CYP4A11: variants seen among roughly 807,000 people sequenced by gnomAD.
The protein encoded by CYP4A11 is cytochrome P450 family 4 subfamily A member 11.
Under a neutral mutation model 57.7 loss-of-function variants are expected in CYP4A11, and 52 were observed. The observed-to-expected ratio is 0.90, with a 90% CI of 0.72 to 1.14. The LOEUF is 1.14. Among genes scored for constraint, CYP4A11 ranks in the 50% most tolerant of loss-of-function variants. CYP4A11 has a pLI of 0.00. For missense variants in CYP4A11, 641 were observed against 642.1 expected (o/e 1.00, Z 0.02); for synonymous variants, 228 against 247.1 (o/e 0.92, Z 0.72).
At chr1:46,938,698 G>A (rs1681571314) in intron 1 of CYP4A11, among the ~76,000 whole-genome samples, 1 of 152,216 alleles carries the variant, frequency 6.6e-6, no homozygotes, top group Non-Finnish European at 1.5e-5. Flanking sequence ...ATGGGATGGA[G>A]TCTGAGTATA....
intron 11 of CYP4A11, among the ~76,000 whole-genome samples, chr1:46,931,014 C>G (rs1315230692): frequency 6.6e-6 from 1 of 152,158 alleles, no homozygotes; most frequent in Non-Finnish European, 1.5e-5. Context: ...CCCCTCCCAG[C>G]ACACTGAAGC....
intron 1 of CYP4A11, among the ~76,000 whole-genome samples, 171 bp from the exon 2 acceptor site, chr1:46,938,308 T>C (rs1681545708): frequency 6.6e-6 from 1 of 152,234 alleles, no homozygotes; most frequent in Admixed American, 6.5e-5. Flanking sequence ...GACTTGACCT[T>C]AGGCCAAGCG....
intron 11 of CYP4A11, 131 bp from the exon 12 acceptor site, chr1:46,930,441 A>G (rs1281227295): frequency 2.9e-6 from 3 of 1,044,044 alleles, no homozygotes; most frequent in Non-Finnish European, 4.2e-6. Context: ...GCCCCTGCAC[A>G]CATACAGCCC....
chr1:46,937,225 C>T, intron 3 of CYP4A11, 77 bp downstream of exon 3: 2 of 1,524,018 alleles, frequency 1.3e-6, no homozygotes, highest in South Asian at 2.3e-5. Context: ...GGCCTCTAAT[C>T]TGTTGTTCTC....
chr1:46,936,986 T>C (rs1681446992), intron 3 of CYP4A11, among the ~76,000 whole-genome samples, 195 bp from the exon 4 acceptor site: 1 of 152,180 alleles, frequency 6.6e-6, no homozygotes, highest in Non-Finnish European at 1.5e-5. Context: ...GTGAATATTC[T>C]GATTGAGCTG....
At chr1:46,933,356 AACTC>A (rs1398383690) in intron 9 of CYP4A11, among the ~76,000 whole-genome samples, 2 of 152,208 alleles carry the variant, frequency 1.3e-5, no homozygotes, top group African/African-American at 4.8e-5. Context: ...AATATACATG[AACTC>A]ACTCAGTACA....
intron 1 of CYP4A11, chr1:46,940,736 C>T: frequency 2.0e-6 from 2 of 985,448 alleles, no homozygotes; most frequent in Non-Finnish European, 2.4e-6. Context: ...TCCACCCCAG[C>T]AGAGTGAGCT....
rs1274960664 is a variant in CYP4A11, at chr1:46,930,206, G to C, written c.1469C>G (p.Pro490Arg). 2.5e-6 allele frequency: 4 copies of C among 1,614,124 alleles called. No homozygotes were observed. In the South Asian group the frequency reaches 3.3e-5, roughly 13 times the overall value. ...GGATTTCAACACAAGTCGTGCAATG[G>C]GGATGGGGATCCTGGTGGGATCAGG... ...LLPDPTRIPI[P>R]IARLVLKSKN... Residue 490 changes from proline to arginine, a missense_variant, in exon 12 of 12, where the codon CCC (proline) becomes CGC (arginine). Transcript: ENST00000310638.
chr1:46,938,794 T>A (rs1179064579), intron 1 of CYP4A11, among the ~76,000 whole-genome samples: 1 of 152,272 alleles, frequency 6.6e-6, no homozygotes. Flanking sequence ...ATGAGCTCCC[T>A]GCTGCCTGCA....
rs144085677 is a variant in CYP4A11, at chr1:46,936,781, C to G, written c.393G>C (p.Leu131Phe). Reference sequence around the variant, plus strand: ...ACCATGTCTGCCCATTCAACAGGAGCAAGCCGTACCCTAAGAGAGACATGA... The same window carrying G: ...ACCATGTCTGCCCATTCAACAGGAGGAAGCCGTACCCTAAGAGAGACATGA... ...RFLAPWIGYG[L>F]LLLNGQTWFQ... The change falls in exon 4 of 12, where the codon TTG becomes TTC. Residue 131 changes from leucine to phenylalanine, a missense_variant. Coordinates refer to ENST00000310638, the MANE Select transcript of CYP4A11 (RefSeq NM_000778.4). 7.5e-4 allele frequency: 1,208 copies of G among 1,609,422 alleles called. No individual in the cohort carries two copies. The highest frequency in any genetic ancestry group is 9.8e-4 in the Non-Finnish European group (1,149 of 1,178,452).
Position 46,941,194 on chromosome 1 carries a change from C to G in CYP4A11, c.195+45G>C, listed in dbSNP as rs372477140. On this transcript the variant is annotated intron_variant, in intron 1 of 11. Transcript: ENST00000310638. Reference sequence around the variant, plus strand: ...ATTTTGTGACCAGGGTCTCAGAGCCCCATCCCTCTTTGCCCTCCCACTCCC... The same window carrying G: ...ATTTTGTGACCAGGGTCTCAGAGCCGCATCCCTCTTTGCCCTCCCACTCCC... 3.6e-4 allele frequency: 562 copies of G among 1,582,186 alleles called. 11 individuals are homozygous for G. In the East Asian group the frequency reaches 0.011, roughly 31 times the overall value.
At chr1:46,935,497 C>T (rs200852244) in intron 5 of CYP4A11, 26 bp downstream of exon 5, 7 of 1,593,614 alleles carry the variant, frequency 4.4e-6, no homozygotes, top group Middle Eastern at 1.7e-4. Flanking sequence ...GAACAAGGGC[C>T]CTGCAGCTGG....
In CYP4A11 at chr1:46,931,419, C is replaced by G. The variant is rs537037080; in HGVS notation, c.1365-1109G>C. 4.7e-5 allele frequency: 27 copies of G among 575,148 alleles called. No homozygotes were observed. In the South Asian group the frequency reaches 2.0e-3, roughly 43 times the overall value. The allele number at this position is 575,148 out of a possible 1,614,324, so 35.6% of individuals were successfully genotyped here. A position where few individuals can be genotyped will look rare whatever the true frequency, so the allele number is the denominator to read the frequency against. ...GATGGAACGATGTGTGTCTGGAGCA[C>G]AGGATATATTTCTGTACAACACATT... On this transcript the variant is annotated intron_variant, in intron 11 of 11. Coordinates refer to ENST00000310638, the MANE Select transcript of CYP4A11 (RefSeq NM_000778.4).
Position 46,936,895 on chromosome 1 carries a change from A to T in CYP4A11, c.383-104T>A, listed in dbSNP as rs55839822. 1.6e-4 allele frequency: 236 copies of T among 1,473,230 alleles called. No individual in the cohort carries two copies. The African/African-American group carries it at 3.0e-3, about 19-fold the overall frequency. 91.3% of individuals were successfully genotyped at this position (1,473,230 alleles called of 1,614,324 possible). ...ACTGGTGACAATTTGGGAGGGAGAA[A>T]GGTGGCTTCTCAAGGGGAGAACTAT... On this transcript the variant is annotated intron_variant, in intron 3 of 11. Transcript: ENST00000310638.
Position 46,941,224 on chromosome 1 carries a change from T to C in CYP4A11, c.195+15A>G. ...CCTCTTTGCCCTCCCACTCCCCCATTGAGTTCCTCCCTACCTCCTGGATGT... is the reference window on the plus strand; with the variant it reads ...CCTCTTTGCCCTCCCACTCCCCCATCGAGTTCCTCCCTACCTCCTGGATGT... On this transcript the variant is annotated intron_variant, in intron 1 of 11. Transcript: ENST00000310638. 1 of 1,607,656 alleles carries C rather than the reference T, an allele frequency of 6.2e-7. No individual in the cohort carries two copies. The highest frequency in any genetic ancestry group is 8.5e-7 in the Non-Finnish European group (1 of 1,176,020).
chr1:46,935,381 C>G (rs1207552974), intron 5 of CYP4A11, 142 bp downstream of exon 5: 2 of 1,502,816 alleles, frequency 1.3e-6, no homozygotes, highest in African/African-American at 2.8e-5. Flanking sequence ...TTTGTTTGGT[C>G]TGGACTGGAA....
At chr1:46,931,870 T>C in intron 11 of CYP4A11, 2 of 936,504 alleles carry the variant, frequency 2.1e-6, no homozygotes, top group Non-Finnish European at 2.5e-6. Context: ...GATGCCACAA[T>C]GATCTCCACC....
intron 4 of CYP4A11, among the ~76,000 whole-genome samples, chr1:46,936,376 C>T (rs1681389627): frequency 1.3e-5 from 2 of 152,240 alleles, no homozygotes; most frequent in South Asian, 4.1e-4. Context: ...TTGCATACTC[C>T]TCCAGTCCCT....
Position 46,936,934 on chromosome 1 carries a change from C to T in CYP4A11, c.383-143G>A, listed in dbSNP as rs1015980988. On this transcript the variant is annotated intron_variant, in intron 3 of 11. Coordinates refer to ENST00000310638, the MANE Select transcript of CYP4A11 (RefSeq NM_000778.4). ...GGGGAGAACTATCCAGAAGAAGCCA[C>T]GTCATGGGCAAATGCAGGAAAAGGA... is the stretch of plus-strand genomic sequence containing the variant. The T allele has an allele frequency of 2.3e-5, 33 of 1,411,110 alleles. 1 individual carries two copies. The East Asian group carries it at 4.9e-4, about 21-fold the overall frequency. The allele number at this position is 1,411,110 out of a possible 1,614,324, so 87.4% of individuals were successfully genotyped here.
Sources: allele counts gnomAD v4.1 joint callset (sites outside exome capture counted in the v4.1 genomes callset), GRCh38; gene constraint gnomAD v4.1.1; transcripts MANE v1.5; gene names NCBI Gene and HGNC (gene_info 2026-07-23, HGNC 2026-07-21).